ICE2: variants seen among roughly 807,000 people sequenced by gnomAD.
ICE2 encodes interactor of little elongation complex ELL subunit 2.
Under a neutral mutation model 105.4 loss-of-function variants are expected in ICE2, and 87 were observed. That is an observed-to-expected ratio of 0.83 (90% CI 0.69 to 0.99). ICE2 has a LOEUF of 0.99. Among genes scored for constraint, ICE2 ranks in the 50% least tolerant of loss-of-function variants. The pLI is 0.00. For synonymous variants in ICE2, 399 were observed against 392.0 expected (o/e 1.02, Z -0.21); for missense variants, 1,323 against 1,146.7 (o/e 1.15, Z -2.22).
rs141917403 is a variant in ICE2 at position 60,444,656 on chromosome 15, T to G, written c.2296-2111A>C. Among the ~76,000 whole-genome samples, 150 of 152,262 alleles carry G rather than the reference T, an allele frequency of 9.9e-4. 1 individual carries two copies. Among genetic ancestry groups the G allele is most frequent in the African/African-American group, 3.3e-3 (136 of 41,548 alleles). ...TGTATTGAACTCAGTAAATTCTGTT[T>G]TATATCTTGTGGTCCAAATTAGCCT... On this transcript the variant is annotated intron_variant, in intron 11 of 15. Transcript: ENST00000261520.
chr15:60,458,121 T>C (rs1224201503), intron 5 of ICE2, among the ~76,000 whole-genome samples: 1 of 152,148 alleles, frequency 6.6e-6, no homozygotes, highest in Non-Finnish European at 1.5e-5. Context: ...CTCTGATACA[T>C]TATACAATTA....
At chr15:60,442,687 G>A (rs2063744358) in intron 11 of ICE2, 142 bp from the exon 12 acceptor site, 3 of 617,054 alleles carry the variant, frequency 4.9e-6, no homozygotes, top group Non-Finnish European at 8.3e-6. Context: ...GATTCACACT[G>A]TAAGATGGAT....
chr15:60,476,286 C>T, intron 2 of ICE2, 119 bp from the exon 3 acceptor site: 2 of 638,718 alleles, frequency 3.1e-6, no homozygotes, highest in Non-Finnish European at 5.6e-6. Context: ...CATCCCCAGA[C>T]AATCTCTTCT....
At chr15:60,442,796 T>C (rs943810695) in intron 11 of ICE2, 18 of 271,308 alleles carry the variant, frequency 6.6e-5, no homozygotes, top group African/African-American at 3.9e-4. Flanking sequence ...AAAATCAACA[T>C]ACCTCCCCAC....
In ICE2 at chr15:60,431,920, T is replaced by C; in HGVS notation, c.2561+14A>G. ...ATCAGATGTATCAAAGCAAAATGCC[T>C]AAAAAATACTTACCTACTTAGTTTC... On this transcript the variant is annotated intron_variant, in intron 14 of 15. Transcript: ENST00000261520. 7.6e-7 allele frequency: 1 copy of C among 1,318,724 alleles called. No individual in the cohort carries two copies. The highest frequency in any genetic ancestry group is 1.1e-6 in the Non-Finnish European group (1 of 935,038). The allele number at this position is 1,318,724 out of a possible 1,614,324, so 81.7% of individuals were successfully genotyped here. A position where few individuals can be genotyped will look rare whatever the true frequency, so the allele number is the denominator to read the frequency against.
chr15:60,451,761 A>C (rs1233880397), intron 9 of ICE2: 1 of 297,040 alleles, frequency 3.4e-6, no homozygotes, highest in African/African-American at 2.3e-5. Context: ...TTGGTGGAAA[A>C]CTGAAGTTTT....
At chr15:60,468,367 A>C in intron 3 of ICE2, 45 bp from the exon 4 acceptor site, 2 of 1,437,734 alleles carry the variant, frequency 1.4e-6, no homozygotes, top group Non-Finnish European at 1.9e-6. Flanking sequence ...TTTCACATGA[A>C]GATTACTATC....
chr15:60,444,249 A>G (rs1314171016), intron 11 of ICE2, among the ~76,000 whole-genome samples: 1 of 152,200 alleles, frequency 6.6e-6, no homozygotes, highest in African/African-American at 2.4e-5. Context: ...AATTTTAAAT[A>G]TGTATTATTT....
In ICE2 at chr15:60,478,064, A is replaced by C; in HGVS notation, c.-87T>G. The stretch of plus-strand genomic sequence containing the variant: ...AAGAGGCAGGATCCCTCCAGAACTT[A>C]CTCAGCTGAGTAAAAACAAAAGGCC... On this transcript the variant is annotated 5_prime_UTR_variant, in exon 2 of 16. Transcript: ENST00000261520. 1.6e-6 allele frequency: 2 copies of C among 1,253,250 alleles called. No individual in the cohort carries two copies. The highest frequency in any genetic ancestry group is 2.4e-5 in the South Asian group (2 of 83,598). 77.6% of individuals were successfully genotyped at this position (1,253,250 alleles called of 1,614,324 possible).
intron 15 of ICE2, 98 bp from the exon 16 acceptor site, chr15:60,423,860 C>A: frequency 3.7e-6 from 4 of 1,070,062 alleles, no homozygotes; most frequent in South Asian, 3.1e-5. Context: ...AACCACCTTG[C>A]AAATAAGCTC....
At position 60,455,064 on chromosome 15, in the gene ICE2, A is replaced by C. The variant is rs980916405; in HGVS notation, c.882T>G (p.His294Gln). Residue 294 changes from histidine to glutamine, a missense_variant, in exon 8 of 16, where the codon CAT (histidine) becomes CAG (glutamine). Transcript: ENST00000261520. ...SQSLFTLLNN[H>Q]GPTYKEQWEI... The stretch of plus-strand genomic sequence containing the variant: ...CCCACTGTTCCTTGTACGTTGGTCC[A>C]TGATTATTTAATAAGGTAAATAATG... 4.4e-6 allele frequency: 7 copies of C among 1,600,168 alleles called. No individual in the cohort carries two copies. The African/African-American group carries it at 9.4e-5, about 22-fold the overall frequency.
intron 13 of ICE2, among the ~76,000 whole-genome samples, chr15:60,433,950 GCA>G (rs2063521000): frequency 6.6e-6 from 1 of 152,166 alleles, no homozygotes; most frequent in African/African-American, 2.4e-5. Context: ...TGAAGTACAA[GCA>G]CAGAGTTCAA....
At chr15:60,462,986 G>C (rs957226004) in intron 5 of ICE2, among the ~76,000 whole-genome samples, 2 of 152,112 alleles carry the variant, frequency 1.3e-5, no homozygotes, top group Admixed American at 6.5e-5. Flanking sequence ...CCAAACCATT[G>C]CAATTTTGTC....
chr15:60,442,321 A>G (rs1403906914), intron 12 of ICE2, 95 bp downstream of exon 12: 1 of 1,175,860 alleles, frequency 8.5e-7, no homozygotes, highest in African/African-American at 1.6e-5. Flanking sequence ...AAACGAAAGT[A>G]AAAAAGGGCA....
chr15:60,448,275 C>CCCT (rs1409189156), intron 10 of ICE2, 130 bp from the exon 11 acceptor site: 1 of 601,344 alleles, frequency 1.7e-6, no homozygotes, highest in African/African-American at 1.9e-5. Context: ...GCCTAAGGGA[C>CCCT]CCTCACACTA....
At chr15:60,471,241 T>C (rs993625974) in intron 3 of ICE2, among the ~76,000 whole-genome samples, 1 of 151,584 alleles carries the variant, frequency 6.6e-6, no homozygotes, top group South Asian at 2.1e-4. Context: ...ATAACACAGG[T>C]AAAAAAAAGA....
chr15:60,455,870 G>A (rs1247658969), intron 6 of ICE2, among the ~76,000 whole-genome samples: 1 of 151,874 alleles, frequency 6.6e-6, no homozygotes, highest in Non-Finnish European at 1.5e-5. Context: ...CGCCTGCCTC[G>A]GCCTCCCAAA....
chr15:60,478,660 C>A (rs1000692112), intron 1 of ICE2: 1 of 333,036 alleles, frequency 3.0e-6, no homozygotes, highest in Non-Finnish European at 5.9e-6. Flanking sequence ...CCTGCGAGAA[C>A]CTAATCAAAT....
intron 14 of ICE2, among the ~76,000 whole-genome samples, chr15:60,431,299 A>C (rs544028608): frequency 6.6e-6 from 1 of 152,174 alleles, no homozygotes; most frequent in South Asian, 2.1e-4. Context: ...ATTATATTTA[A>C]TCGTTTTGCA....
Sources: gnomAD v4.1 joint callset for allele counts (sites outside exome capture counted in the v4.1 genomes callset) on GRCh38, gnomAD v4.1.1 for gene constraint, MANE v1.5 for transcripts, NCBI Gene and HGNC (gene_info 2026-07-23, HGNC 2026-07-21) for gene names.